SLC22A16: variants seen among roughly 807,000 people sequenced by gnomAD.
SLC22A16 encodes solute carrier family 22 member 16.
Under a neutral mutation model 52.9 loss-of-function variants are expected in SLC22A16, and 53 were observed. The ratio of observed to expected loss-of-function variants is 1.00; its 90% confidence interval spans 0.80 to 1.26. The LOEUF (loss-of-function observed/expected upper bound fraction) is 1.26. Among genes scored for constraint, SLC22A16 ranks in the 50% most tolerant of loss-of-function variants. SLC22A16 has a pLI of 0.00. For missense variants in SLC22A16, 726 were observed against 704.0 expected (o/e 1.03, Z -0.35); for synonymous variants, 291 against 268.8 (o/e 1.08, Z -0.81).
Position 110,456,938 on chromosome 6 carries a change from C to G in SLC22A16, c.133G>C (p.Gly45Arg), listed in dbSNP as rs543748432. 3 of 1,609,476 alleles carry G rather than the reference C, an allele frequency of 1.9e-6. No homozygotes were observed. The highest frequency in any genetic ancestry group is 3.4e-5 in the Admixed American group (2 of 59,408). ...GIHYLASVFM[G>R]VTPHHVCRPP... is the part of the protein sequence containing the mutation. ...CTGCAGACATGATGAGGGGTGACTC[C>G]CATGAACACAGAAGCCAAGTAGTGA... The change falls in exon 2 of 8, where the codon GGA becomes CGA. Residue 45 changes from glycine (G) to arginine (R), a missense_variant. By Grantham distance (125) the Gly-to-Arg change is moderately radical (BLOSUM62 -2). Coordinates refer to ENST00000368919, the MANE Select transcript of SLC22A16 (RefSeq NM_033125.4).
At chr6:110,474,555 A>G (rs1202088983) in intron 1 of SLC22A16, among the ~76,000 whole-genome samples, 5 of 152,246 alleles carry the variant, frequency 3.3e-5, no homozygotes, top group African/African-American at 1.2e-4. Context: ...ATGGGAACTC[A>G]GGTAATGATA....
chr6:110,456,574 A>C lies in SLC22A16; in HGVS notation c.497T>G (p.Leu166Arg). 2 of 1,614,198 alleles carry C rather than the reference A, an allele frequency of 1.2e-6. No individual in the cohort carries two copies. Among genetic ancestry groups the C allele is most frequent in the Non-Finnish European group, 1.7e-6 (2 of 1,180,014 alleles). ...GTAGCCAAAAGTCACCGATCCCAGT[A>C]GGACTCCAAACATAAATAGGGGCTG... is the stretch of plus-strand genomic sequence containing the variant. ...LIQPLFMFGV[L>R]LGSVTFGYFS... The change falls in exon 2 of 8, where the codon CTA becomes CGA. Residue 166 changes from leucine to arginine, a missense_variant. Physicochemically the swap from Leu to Arg is moderately radical, Grantham distance 102. Coordinates refer to ENST00000368919, the MANE Select transcript of SLC22A16 (RefSeq NM_033125.4).
chr6:110,467,907 A>G (rs1213715215), intron 1 of SLC22A16, among the ~76,000 whole-genome samples: 1 of 152,248 alleles, frequency 6.6e-6, no homozygotes, highest in Non-Finnish European at 1.5e-5. Context: ...AACACACCCC[A>G]CTTTGGAGAC....
intron 4 of SLC22A16, among the ~76,000 whole-genome samples, chr6:110,439,119 C>T (rs949701688): frequency 3.9e-5 from 6 of 152,188 alleles, no homozygotes; most frequent in Non-Finnish European, 8.8e-5. Context: ...TTCCCACCAG[C>T]CCCAAACTGT....
rs774864963 is a variant in SLC22A16, at chr6:110,476,613, C to T, written c.-39G>A. 6.6e-7 allele frequency: 1 copy of T among 1,513,916 alleles called. No homozygotes were observed. The highest frequency in any genetic ancestry group is 1.4e-5 in the African/African-American group (1 of 69,590). 93.8% of individuals were successfully genotyped at this position (1,513,916 alleles called of 1,614,324 possible). On this transcript the variant is annotated 5_prime_UTR_variant, in exon 1 of 8. Transcript: ENST00000368919. Reference sequence around the variant, plus strand: ...ACTGGGCGCCGAGTTAGCCGAGCTCCGGGGACTGCGGGTAGCGCGCCCCGC... The same window carrying T: ...ACTGGGCGCCGAGTTAGCCGAGCTCTGGGGACTGCGGGTAGCGCGCCCCGC...
chr6:110,438,781 A>G lies in SLC22A16; in HGVS notation c.1250T>C (p.Val417Ala). The G allele has an allele frequency of 6.2e-7, 1 of 1,614,146 alleles. No individual in the cohort carries two copies. Among genetic ancestry groups the G allele is most frequent in the South Asian group, 1.1e-5 (1 of 91,062 alleles). ...ACTGCAGAAAAGAGAGTAGGCCAGGACTGTTCTCCTCCCGACCTTGTCCAT... is the reference window on the plus strand; with the variant it reads ...ACTGCAGAAAAGAGAGTAGGCCAGGGCTGTTCTCCTCCCGACCTTGTCCAT... ...IAMDKVGRRT[V>A]LAYSLFCSAL... is the part of the protein sequence containing the mutation. Residue 417 changes from valine (V) to alanine (A), a missense_variant, in exon 5 of 8, where the codon GTC becomes GCC. Physicochemically the swap from Val to Ala is moderately conservative, Grantham distance 64. Coordinates refer to ENST00000368919, the MANE Select transcript of SLC22A16 (RefSeq NM_033125.4).
intron 3 of SLC22A16, among the ~76,000 whole-genome samples, chr6:110,446,207 A>C (rs1775164219): frequency 6.6e-6 from 1 of 152,186 alleles, no homozygotes; most frequent in African/African-American, 2.4e-5. Context: ...TCTATCTGGA[A>C]GCCTCACTGA....
intron 2 of SLC22A16, among the ~76,000 whole-genome samples, chr6:110,449,013 G>C (rs907662891): frequency 1.3e-5 from 2 of 151,958 alleles, no homozygotes; most frequent in Non-Finnish European, 2.9e-5. Flanking sequence ...TGACCCCATT[G>C]CTCCTTTAGC....
intron 2 of SLC22A16, among the ~76,000 whole-genome samples, chr6:110,454,722 A>G (rs1266736583): frequency 1.3e-5 from 1 of 74,806 alleles, no homozygotes; most frequent in Non-Finnish European, 2.3e-5. Flanking sequence ...TATTTTATAT[A>G]TATTATATGT....
At chr6:110,475,897 C>G (rs1173679635) in intron 1 of SLC22A16, 3 of 456,512 alleles carry the variant, frequency 6.6e-6, no homozygotes, top group African/African-American at 6.0e-5. Flanking sequence ...GTCCTTGACC[C>G]CGCCAGCTTG....
At chr6:110,433,418 G>T (rs1296749865) in intron 6 of SLC22A16, among the ~76,000 whole-genome samples, 1 of 152,208 alleles carries the variant, frequency 6.6e-6, no homozygotes, top group African/African-American at 2.4e-5. Flanking sequence ...AGGTGTGTGG[G>T]CATGGAAAAT....
At chr6:110,442,167 C>A in intron 4 of SLC22A16, 77 bp downstream of exon 4, 3 of 1,410,426 alleles carry the variant, frequency 2.1e-6, no homozygotes, top group Admixed American at 2.3e-5. Flanking sequence ...CTCAAATTCA[C>A]ACAGAAACAG....
intron 3 of SLC22A16, among the ~76,000 whole-genome samples, chr6:110,445,183 C>T (rs569932818): frequency 2.6e-5 from 4 of 152,232 alleles, no homozygotes; most frequent in African/African-American, 7.2e-5. Context: ...CCCACCTAAC[C>T]GCCTTGATCC....
chr6:110,473,301 G>A (rs1271277779), intron 1 of SLC22A16, among the ~76,000 whole-genome samples: 6 of 152,022 alleles, frequency 3.9e-5, no homozygotes, highest in African/African-American at 9.6e-5. Context: ...CTTTTAAACC[G>A]TCTCTCCTCT....
At chr6:110,436,859 A>G (rs1774752176) in intron 5 of SLC22A16, among the ~76,000 whole-genome samples, 3 of 152,132 alleles carry the variant, frequency 2.0e-5, no homozygotes, top group African/African-American at 2.4e-5. Flanking sequence ...TCCAAAGGTA[A>G]CTAACAAAGA....
At chr6:110,459,025 T>TAAG (rs1159080882) in intron 1 of SLC22A16, among the ~76,000 whole-genome samples, 2 of 152,138 alleles carry the variant, frequency 1.3e-5, no homozygotes, top group Non-Finnish European at 2.9e-5. Context: ...GTGTGTATCC[T>TAAG]ATTTGTTCTC....
chr6:110,446,838 G>A, intron 3 of SLC22A16, 35 bp downstream of exon 3: 1 of 1,556,976 alleles, frequency 6.4e-7, no homozygotes. Flanking sequence ...ATGAAAAACT[G>A]CAGCAGAATT....
chr6:110,457,555 T>C (rs1233923692), intron 1 of SLC22A16, among the ~76,000 whole-genome samples: 2 of 152,198 alleles, frequency 1.3e-5, no homozygotes, highest in Admixed American at 6.5e-5. Context: ...GCTAGATATA[T>C]ATAGATCATA....
intron 2 of SLC22A16, among the ~76,000 whole-genome samples, chr6:110,453,983 GAATT>G (rs1775483662): frequency 6.6e-6 from 1 of 152,132 alleles, no homozygotes; most frequent in Non-Finnish European, 1.5e-5. Context: ...ATTCCTGCGA[GAATT>G]AATCCAGTCT....
Sources: allele counts gnomAD v4.1 joint callset (sites outside exome capture counted in the v4.1 genomes callset), GRCh38; gene constraint gnomAD v4.1.1; transcripts MANE v1.5; gene names NCBI Gene and HGNC (gene_info 2026-07-23, HGNC 2026-07-21).